The following THSD7B variants were observed in gnomAD, a reference collection of about 807,000 sequenced individuals.
The protein encoded by THSD7B is thrombospondin type 1 domain containing 7B.
Under a neutral mutation model 213.6 loss-of-function variants are expected in THSD7B, and 138 were observed. That is an observed-to-expected ratio of 0.65 (90% CI 0.56 to 0.74). The LOEUF is 0.74. THSD7B is among the 30% of genes least tolerant of loss of function. The pLI is 0.00. For synonymous variants in THSD7B, 742 were observed against 687.0 expected, an observed-to-expected ratio of 1.08 and a Z score of -1.25; for missense variants, 1,931 against 1,991.5, an observed-to-expected ratio of 0.97 and a Z score of 0.58.
chr2:137,487,316 C>T lies in THSD7B; in HGVS notation c.3138+36293C>T, dbSNP rs1386206220. Among the ~76,000 whole-genome samples the T allele has an allele frequency of 7.6e-4, 90 of 118,782 alleles. 1 individual carries two copies. The highest frequency in any genetic ancestry group is 5.3e-4 in the Non-Finnish European group (33 of 62,766). 77.9% of individuals were successfully genotyped at this position (118,782 alleles called of 152,430 possible). ...CCGGGAAGCGGAGCTTGCAGTGAGC[C>T]GAGATTGCGCCACTGCAGTCCGCAG... On this transcript the variant is annotated intron_variant, in intron 15 of 27. Coordinates refer to ENST00000409968, the MANE Select transcript of THSD7B (RefSeq NM_001316349.2).
intron 1 of THSD7B, among the ~76,000 whole-genome samples, chr2:136,852,092 G>A (rs905724187): frequency 2.6e-5 from 4 of 151,962 alleles, no homozygotes; most frequent in African/African-American, 7.3e-5. Context: ...GTTTAAATGG[G>A]CCCAATCTAA....
At chr2:136,917,271 C>T (rs778314484) in intron 2 of THSD7B, among the ~76,000 whole-genome samples, 1 of 152,120 alleles carries the variant, frequency 6.6e-6, no homozygotes, top group African/African-American at 2.4e-5. Flanking sequence ...TTCCTAGTCC[C>T]CTAGTTCCTG....
intron 7 of THSD7B, among the ~76,000 whole-genome samples, chr2:137,176,340 C>CA (rs1680356276): frequency 6.6e-6 from 1 of 152,146 alleles, no homozygotes; most frequent in African/African-American, 2.4e-5. Flanking sequence ...TAATAGTAAT[C>CA]AGATTTTTCT....
chr2:137,335,707 C>T (rs992204860), intron 12 of THSD7B, among the ~76,000 whole-genome samples: 2 of 152,114 alleles, frequency 1.3e-5, no homozygotes, highest in African/African-American at 4.8e-5. Context: ...CTTCGGCGCA[C>T]TTTGAGTAAA....
chr2:137,221,412 T>TG (rs1203624403), intron 7 of THSD7B, among the ~76,000 whole-genome samples: 3 of 108,114 alleles, frequency 2.8e-5, no homozygotes, highest in African/African-American at 1.0e-4. Flanking sequence ...ATTTTGGTGA[T>TG]GGATACAAGA....
chr2:137,263,327 A>T (rs758602484), intron 10 of THSD7B, among the ~76,000 whole-genome samples: 3 of 152,050 alleles, frequency 2.0e-5, no homozygotes, highest in Non-Finnish European at 4.4e-5. Flanking sequence ...AATCCCACTT[A>T]ATTAAGCATT....
intron 5 of THSD7B, among the ~76,000 whole-genome samples, chr2:137,154,273 C>G (rs1203723578): frequency 1.3e-5 from 2 of 152,040 alleles, no homozygotes; most frequent in Non-Finnish European, 2.9e-5. Flanking sequence ...ATTCCTCTAC[C>G]ATCTGTAAGA....
At chr2:136,905,757 A>T (rs1684149772) in intron 2 of THSD7B, among the ~76,000 whole-genome samples, 1 of 152,370 alleles carries the variant, frequency 6.6e-6, no homozygotes, top group Admixed American at 6.5e-5. Flanking sequence ...CATTGAGACA[A>T]ATGATCATTA....
intron 14 of THSD7B, among the ~76,000 whole-genome samples, chr2:137,433,456 A>AGG (rs1687228143): frequency 6.6e-6 from 1 of 151,594 alleles, no homozygotes; most frequent in Non-Finnish European, 1.5e-5. Flanking sequence ...TCCTGGGTTT[A>AGG]AGTGATTCTC....
intron 1 of THSD7B, among the ~76,000 whole-genome samples, chr2:136,786,943 A>G (rs1017790723): frequency 6.6e-6 from 1 of 152,160 alleles, no homozygotes; most frequent in Non-Finnish European, 1.5e-5. Context: ...AAGGGGGTAC[A>G]TCAGCTTTCT....
chr2:136,838,890 G>A (rs1682879989), intron 1 of THSD7B, among the ~76,000 whole-genome samples: 1 of 152,164 alleles, frequency 6.6e-6, no homozygotes, highest in Admixed American at 6.6e-5. Flanking sequence ...CAGCTGCCTT[G>A]CTCTGTGAGC....
chr2:137,043,770 A>G (rs1463449688), intron 2 of THSD7B, among the ~76,000 whole-genome samples: 2 of 152,156 alleles, frequency 1.3e-5, no homozygotes, highest in African/African-American at 4.8e-5. Context: ...TGACCTGTTT[A>G]AAAGGGGCAA....
intron 7 of THSD7B, among the ~76,000 whole-genome samples, chr2:137,228,986 T>C (rs1266821712): frequency 1.3e-5 from 2 of 152,188 alleles, no homozygotes; most frequent in Non-Finnish European, 2.9e-5. Context: ...GAAAGAAAGA[T>C]AGAGATGCTC....
chr2:136,985,255 G>A (rs893735251), intron 2 of THSD7B, among the ~76,000 whole-genome samples: 1 of 152,154 alleles, frequency 6.6e-6, no homozygotes, highest in African/African-American at 2.4e-5. Context: ...TGAGGAAAAG[G>A]CCTTGAAGGC....
At chr2:137,649,720 T>C (rs1558871357) in intron 21 of THSD7B, among the ~76,000 whole-genome samples, 2 of 152,252 alleles carry the variant, frequency 1.3e-5, no homozygotes, top group East Asian at 3.9e-4. Context: ...CTACTACAGG[T>C]TTGTAGTGTA....
intron 1 of THSD7B, among the ~76,000 whole-genome samples, chr2:136,785,197 C>T (rs1009877115): frequency 6.6e-6 from 1 of 152,198 alleles, no homozygotes. Flanking sequence ...CTAGTGCCCA[C>T]GTGCTCTGTT....
At chr2:137,257,139 C>T (rs139244192) in intron 10 of THSD7B, among the ~76,000 whole-genome samples, 10 of 152,302 alleles carry the variant, frequency 6.6e-5, no homozygotes, top group Non-Finnish European at 1.3e-4. Context: ...AAGGAGCCAC[C>T]TCTCACTTCT....
At chr2:136,872,317 C>A (rs1223347245) in intron 1 of THSD7B, among the ~76,000 whole-genome samples, 1 of 137,364 alleles carries the variant, frequency 7.3e-6, no homozygotes, top group African/African-American at 2.7e-5. Flanking sequence ...CAGGCTCTGG[C>A]GACTCCAGGT....
intron 12 of THSD7B, among the ~76,000 whole-genome samples, chr2:137,279,052 C>G (rs577307929): frequency 5.4e-4 from 82 of 151,952 alleles, no homozygotes; most frequent in Middle Eastern, 3.4e-3. Context: ...GTAGAAAACA[C>G]CTATCATTAA....
Sources: allele counts gnomAD v4.1 joint callset (sites outside exome capture counted in the v4.1 genomes callset), GRCh38; gene constraint gnomAD v4.1.1; transcripts MANE v1.5; gene names NCBI Gene and HGNC (gene_info 2026-07-23, HGNC 2026-07-21).